The following DLC1 variants were observed in gnomAD, a reference collection of about 807,000 sequenced individuals.
DLC1 encodes the protein DLC1 Rho GTPase activating protein.
Under a neutral mutation model 140.3 loss-of-function variants are expected in DLC1, and 54 were observed. That is an observed-to-expected ratio of 0.38 (90% CI 0.31 to 0.48). The LOEUF (loss-of-function observed/expected upper bound fraction) is 0.48, where lower values mean the gene tolerates loss of function less well. Among genes scored for constraint, DLC1 ranks in the 20% least tolerant of loss-of-function variants. DLC1 has a pLI of 0.96. For synonymous variants in DLC1, 986 were observed against 728.1 expected, an observed-to-expected ratio of 1.35 and a Z score of -5.70; for missense variants, 2,536 against 1,907.0, an observed-to-expected ratio of 1.33 and a Z score of -6.14.
At chr8:13,439,314 A>G (rs1585109637) in intron 2 of DLC1, among the ~76,000 whole-genome samples, 1 of 152,212 alleles carries the variant, frequency 6.6e-6, no homozygotes, top group Non-Finnish European at 1.5e-5. Flanking sequence ...ACAGAGTGAG[A>G]GTCCATGTCA....
rs1368838496 is a variant in DLC1, at chr8:13,581,780, G to T, written c.-126+22757C>A. Among the ~76,000 whole-genome samples the T allele has an allele frequency of 3.9e-5, 6 of 152,166 alleles. No individual in the cohort carries two copies. The East Asian group carries it at 1.2e-3, about 29-fold the overall frequency. ...CAACCTCTTTATCAGGCCATGCAAG[G>T]TCCTCCGTGATTTGTCCTCTGCCTT... is the stretch of plus-strand genomic sequence containing the variant. On this transcript the variant is annotated intron_variant, in intron 1 of 1. Transcript: ENST00000631382.
chr8:13,310,299 T>G (rs556139837), intron 4 of DLC1, among the ~76,000 whole-genome samples: 32 of 152,346 alleles, frequency 2.1e-4, no homozygotes, highest in African/African-American at 7.2e-4. Context: ...TATAGAAATT[T>G]TCTTTATTTG....
chr8:13,132,205 CTGTGTGTGTGTGTGTGTG>C (rs147699066), intron 5 of DLC1, among the ~76,000 whole-genome samples: 5 of 139,114 alleles, frequency 3.6e-5, no homozygotes, highest in Non-Finnish European at 7.7e-5. Flanking sequence ...AAAACCAAAA[CTGTGTGTGTGTGTGTGTG>C]TGTGTGTGTG....
At chr8:13,389,664 G>A (rs1267967691) in intron 4 of DLC1, among the ~76,000 whole-genome samples, 2 of 151,904 alleles carry the variant, frequency 1.3e-5, no homozygotes, top group African/African-American at 2.4e-5. Flanking sequence ...ATGACTCATC[G>A]GTCCTATTCT....
chr8:13,447,950 G>A (rs2116953553), intron 2 of DLC1, among the ~76,000 whole-genome samples: 1 of 152,204 alleles, frequency 6.6e-6, no homozygotes, highest in South Asian at 2.1e-4. Context: ...AATTTAGGAT[G>A]GCGTGTGTGT....
intron 5 of DLC1, among the ~76,000 whole-genome samples, chr8:13,255,328 A>G (rs1224893014): frequency 2.0e-5 from 3 of 152,126 alleles, no homozygotes; most frequent in African/African-American, 7.2e-5. Flanking sequence ...TAAGACCTAT[A>G]CCTCATTGTA....
chr8:13,226,583 A>T (rs1475836412), intron 5 of DLC1, among the ~76,000 whole-genome samples: 1 of 152,208 alleles, frequency 6.6e-6, no homozygotes, highest in Non-Finnish European at 1.5e-5. Flanking sequence ...TCTGTCCTTA[A>T]GGGGTGTTAA....
intron 4 of DLC1, among the ~76,000 whole-genome samples, chr8:13,323,716 A>G (rs1833222195): frequency 6.6e-6 from 1 of 152,224 alleles, no homozygotes; most frequent in Admixed American, 6.5e-5. Context: ...ATATATACAT[A>G]GAGATAAGGG....
At chr8:13,538,970 G>A (rs1803393459) in intron 1 of DLC1, among the ~76,000 whole-genome samples, 1 of 151,762 alleles carries the variant, frequency 6.6e-6, no homozygotes, top group African/African-American at 2.4e-5. Flanking sequence ...TAAAATACGT[G>A]GCAGATTAAA....
intron 5 of DLC1, among the ~76,000 whole-genome samples, chr8:13,119,762 G>A (rs187139141): frequency 6.6e-6 from 1 of 152,018 alleles, no homozygotes; most frequent in East Asian, 1.9e-4. Flanking sequence ...GACCACTCTG[G>A]GCAATAATTG....
At chr8:13,200,113 G>A (rs1034963200) in intron 5 of DLC1, among the ~76,000 whole-genome samples, 2 of 152,042 alleles carry the variant, frequency 1.3e-5, no homozygotes, top group African/African-American at 2.4e-5. Context: ...CGTGATCTCT[G>A]CTCACTGCAA....
chr8:13,552,666 G>A (rs1019743909), intron 1 of DLC1, among the ~76,000 whole-genome samples: 11 of 151,514 alleles, frequency 7.3e-5, no homozygotes, highest in African/African-American at 2.7e-4. Context: ...ATTAACAATG[G>A]AATAAGAGAA....
rs61757614 is a variant in DLC1 at position 13,499,351 on chromosome 8, G to T, written c.721C>A (p.Pro241Thr). The change falls in exon 2 of 18, where the codon CCT becomes ACT. Residue 241 changes from proline (P) to threonine (T), a missense_variant. By Grantham distance (38) the Pro-to-Thr change is conservative. Transcript: ENST00000276297. ...IAQQRRKPDP[P>T]KDENERSTCN... is the part of the protein sequence containing the mutation. ...GTGCTTCTTTCATTTTCATCTTTAG[G>T]GGGGTCAGGTTTCCTTCGTTGCTGA... 13 of 1,613,938 alleles carry T rather than the reference G, an allele frequency of 8.1e-6. No homozygotes were observed. Among genetic ancestry groups the T allele is most frequent in the African/African-American group, 5.3e-5 (4 of 74,994 alleles).
At chr8:13,323,013 G>C (rs939253899) in intron 4 of DLC1, among the ~76,000 whole-genome samples, 1 of 152,192 alleles carries the variant, frequency 6.6e-6, no homozygotes, top group Non-Finnish European at 1.5e-5. Context: ...TGGCAAGGAA[G>C]CAAGGCCTCC....
intron 4 of DLC1, among the ~76,000 whole-genome samples, chr8:13,391,247 A>G (rs1359298317): frequency 6.6e-6 from 1 of 152,132 alleles, no homozygotes; most frequent in Non-Finnish European, 1.5e-5. Context: ...GAAGAGGAAT[A>G]CTGTTGTGAA....
At chr8:13,579,344 T>C (rs1473571084) in intron 1 of DLC1, among the ~76,000 whole-genome samples, 4 of 55,656 alleles carry the variant, frequency 7.2e-5, no homozygotes, top group African/African-American at 3.2e-4. Flanking sequence ...TATATATATA[T>C]ATATATATAT....
intron 4 of DLC1, among the ~76,000 whole-genome samples, chr8:13,375,013 T>C (rs1835903905): frequency 6.8e-6 from 1 of 147,012 alleles, no homozygotes; most frequent in African/African-American, 2.5e-5. Context: ...TATTGGTGTA[T>C]AAGAATGCTT....
Position 13,218,824 on chromosome 8 carries a change from GA to G in DLC1, c.1348+86444del, listed in dbSNP as rs1289874989. On this transcript the variant is annotated intron_variant, in intron 5 of 17. Transcript: ENST00000276297. Reference sequence around the variant, plus strand: ...ATCATAATTATATTCATAATTATATGAATATAACTATATATGAATATAATTA... The same window carrying G: ...ATCATAATTATATTCATAATTATATGATATAACTATATATGAATATAATTA... Among the ~76,000 whole-genome samples the G allele has an allele frequency of 2.5e-4, 10 of 40,110 alleles. No individual in the cohort carries two copies. The South Asian group carries it at 6.5e-3, about 26-fold the overall frequency. The allele number at this position is 40,110 out of a possible 152,430, so 26.3% of individuals were successfully genotyped here.
At chr8:13,154,560 G>A (rs951173758) in intron 5 of DLC1, among the ~76,000 whole-genome samples, 8 of 152,154 alleles carry the variant, frequency 5.3e-5, no homozygotes, top group African/African-American at 1.2e-4. Flanking sequence ...GCGCAGCCCC[G>A]GTTCCTGCTG....
Sources: allele counts gnomAD v4.1 joint callset (sites outside exome capture counted in the v4.1 genomes callset), GRCh38; gene constraint gnomAD v4.1.1; transcripts MANE v1.5; gene names NCBI Gene and HGNC (gene_info 2026-07-23, HGNC 2026-07-21).